The following GSE1 variants were observed in gnomAD, a reference collection of about 807,000 sequenced individuals.
GSE1 encodes genetic suppressor element 1.
GSE1 carries 32 observed loss-of-function variants against 112.6 expected under a neutral mutation model. The ratio of observed to expected loss-of-function variants is 0.28; its 90% confidence interval spans 0.21 to 0.38. GSE1 has a LOEUF of 0.38. Ranked by LOEUF, GSE1 falls within the 10% of genes least tolerant of loss-of-function variation. The pLI is 1.00. For synonymous variants in GSE1, 1,115 were observed against 735.6 expected (o/e 1.52, Z -8.35); for missense variants, 2,348 against 1,699.2 (o/e 1.38, Z -6.71).
intron 2 of GSE1, among the ~76,000 whole-genome samples, chr16:85,480,980 G>A (rs1474701822): frequency 2.0e-5 from 3 of 152,246 alleles, no homozygotes; most frequent in African/African-American, 2.4e-5. Flanking sequence ...CTGGGACAGC[G>A]TGTGCTGCCT....
intron 1 of GSE1, among the ~76,000 whole-genome samples, chr16:85,332,349 G>A (rs572357356): frequency 1.3e-5 from 2 of 152,304 alleles, no homozygotes; most frequent in South Asian, 2.1e-4. Flanking sequence ...TAAGGAATGC[G>A]GTACATACCG....
At chr16:85,169,878 C>T in exon 1 of GSE1, 1 of 984,446 alleles carries the variant, frequency 1.0e-6, no homozygotes, top group Non-Finnish European at 1.2e-6. Context: ...TCAAGCGGCC[C>T]CACCAGTGCG....
Position 85,331,425 on chromosome 16 carries a change from ATATATG to A in GSE1, c.2284-26032_2284-26027del, listed in dbSNP as rs1403931887. ...TATGTATATATATGCGTATATATGT[ATATATG>A]TATATATATGCGTATATATGTATAT... is the stretch of plus-strand genomic sequence containing the variant. On this transcript the variant is annotated intron_variant, in intron 1 of 2. Transcript: ENST00000637419. Among the ~76,000 whole-genome samples, 242 of 133,724 alleles carry A rather than the reference ATATATG, an allele frequency of 1.8e-3. 5 individuals carry two copies. Among genetic ancestry groups the A allele is most frequent in the African/African-American group, 6.5e-3 (236 of 36,494 alleles). The allele number at this position is 133,724 out of a possible 152,430, so 87.7% of individuals were successfully genotyped here. A position where few individuals can be genotyped will look rare whatever the true frequency, so the allele number is the denominator to read the frequency against.
intron 2 of GSE1, among the ~76,000 whole-genome samples, chr16:85,523,842 C>T (rs757490550): frequency 9.2e-5 from 14 of 152,244 alleles, no homozygotes; most frequent in Admixed American, 3.3e-4. Flanking sequence ...AGCAACACCA[C>T]GGGGCTCTTG....
At chr16:85,195,856 A>G (rs1443691898) in intron 1 of GSE1, among the ~76,000 whole-genome samples, 1 of 152,018 alleles carries the variant, frequency 6.6e-6, no homozygotes, top group African/African-American at 2.4e-5. Context: ...AAACAAATCA[A>G]AGCCAGCAGC....
At chr16:85,415,043 C>G (rs1450525832) in intron 2 of GSE1, among the ~76,000 whole-genome samples, 1 of 152,192 alleles carries the variant, frequency 6.6e-6, no homozygotes, top group Non-Finnish European at 1.5e-5. Flanking sequence ...CTCCTGGGGT[C>G]AAGCTATCCT....
intron 1 of GSE1, among the ~76,000 whole-genome samples, chr16:85,621,500 C>T (rs2048741709): frequency 6.6e-6 from 1 of 152,186 alleles, no homozygotes. Context: ...CCTAAATGTA[C>T]ATCTTATAAG....
At chr16:85,652,723 C>T (rs375368656) in intron 3 of GSE1, among the ~76,000 whole-genome samples, 120 of 152,206 alleles carry the variant, frequency 7.9e-4, no homozygotes, top group African/African-American at 2.7e-3. Flanking sequence ...GAGGGGCTGG[C>T]GGGTCAGGGA....
intron 2 of GSE1, among the ~76,000 whole-genome samples, chr16:85,484,305 A>C (rs1287065557): frequency 6.6e-6 from 1 of 152,240 alleles, no homozygotes; most frequent in Non-Finnish European, 1.5e-5. Context: ...GAGCCAGCAT[A>C]GCCAGCAGGA....
At chr16:85,594,233 T>TGGGGGGG (rs1193602830) in intron 1 of GSE1, 1 of 24,012 alleles carries the variant, frequency 4.2e-5, no homozygotes. Context: ...CCTGGGGGGT[T>TGGGGGGG]GGGGGGGGGG....
chr16:85,231,957 G>C (rs923496801), intron 1 of GSE1, among the ~76,000 whole-genome samples: 7 of 152,198 alleles, frequency 4.6e-5, no homozygotes, highest in African/African-American at 1.7e-4. Flanking sequence ...GCTCTTTTCT[G>C]ACCGCCATGA....
rs116038033 is a variant in GSE1, at chr16:85,423,147, T to C, written c.2464+65504T>C. 3.5e-3 allele frequency among the ~76,000 whole-genome samples: 539 copies of C among 152,338 alleles called. 5 individuals are homozygous for C. The highest frequency in any genetic ancestry group is 0.012 in the African/African-American group (512 of 41,568). On this transcript the variant is annotated intron_variant, in intron 2 of 2. Transcript: ENST00000637419. Reference sequence around the variant, plus strand: ...TCCTCATCATTTGCCCCACCCCTGATGAGCGAAACCTTCTCTGCTCACCTT... The same window carrying C: ...TCCTCATCATTTGCCCCACCCCTGACGAGCGAAACCTTCTCTGCTCACCTT...
chr16:85,226,177 A>C (rs567438068), intron 1 of GSE1, among the ~76,000 whole-genome samples: 1 of 152,302 alleles, frequency 6.6e-6, no homozygotes, highest in South Asian at 2.1e-4. Flanking sequence ...CAGAGGATCC[A>C]TGGACATGTT....
chr16:85,563,384 T>C (rs749356796), intron 1 of GSE1, among the ~76,000 whole-genome samples: 2 of 151,920 alleles, frequency 1.3e-5, no homozygotes, highest in Non-Finnish European at 2.9e-5. Context: ...TAGGGGAAAA[T>C]GTATTTTTCC....
chr16:85,646,872 G>A (rs1214562719), intron 2 of GSE1, among the ~76,000 whole-genome samples: 4 of 146,080 alleles, frequency 2.7e-5, no homozygotes, highest in Non-Finnish European at 6.1e-5. Context: ...CTCGGTCACG[G>A]GGGCTTGATC....
At chr16:85,498,457 G>A (rs1204546163) in intron 2 of GSE1, among the ~76,000 whole-genome samples, 1 of 152,158 alleles carries the variant, frequency 6.6e-6, no homozygotes, top group South Asian at 2.1e-4. Flanking sequence ...GCATACGGAT[G>A]TGCATATACA....
At chr16:85,277,146 G>A (rs766382166) in intron 1 of GSE1, among the ~76,000 whole-genome samples, 9 of 152,200 alleles carry the variant, frequency 5.9e-5, no homozygotes, top group African/African-American at 9.6e-5. Context: ...GAGACCCCAC[G>A]GCCAGCCTGT....
At chr16:85,613,134 C>T, upstream of GSE1, 1 of 1,211,538 alleles carries the variant, frequency 8.3e-7, no homozygotes, top group South Asian at 1.8e-5. Context: ...GCGGCTGAAA[C>T]CCGACACCTC....
chr16:85,572,189 TACAC>T (rs1182877164), intron 1 of GSE1, among the ~76,000 whole-genome samples: 1 of 103,498 alleles, frequency 9.7e-6, no homozygotes, highest in African/African-American at 3.9e-5. Flanking sequence ...CACCACATAC[TACAC>T]ACACAACACA....
Sources: gnomAD v4.1 joint callset for allele counts (sites outside exome capture counted in the v4.1 genomes callset) on GRCh38, gnomAD v4.1.1 for gene constraint, MANE v1.5 for transcripts, NCBI Gene and HGNC (gene_info 2026-07-23, HGNC 2026-07-21) for gene names.